The following EXOC2 variants were observed in gnomAD, a reference collection of about 807,000 sequenced individuals.
EXOC2 encodes SEC5-like 1.
In EXOC2, 70 loss-of-function variants were observed where a neutral mutation model predicts 131.8. That is an observed-to-expected ratio of 0.53 (90% CI 0.44 to 0.65). The LOEUF is 0.65. Among genes scored for constraint, EXOC2 ranks in the 30% least tolerant of loss-of-function variants. The probability of loss-of-function intolerance (pLI) is 0.00; values close to 1 mark genes in which losing one functional copy is unlikely to be tolerated. For missense variants in EXOC2, 923 were observed against 1,108.6 expected (o/e 0.83, Z 2.38); for synonymous variants, 411 against 398.4 (o/e 1.03, Z -0.38).
At chr6:648,601 C>T (rs1180903901) in intron 1 of EXOC2, among the ~76,000 whole-genome samples, 2 of 151,676 alleles carry the variant, frequency 1.3e-5, no homozygotes, top group Non-Finnish European at 2.9e-5. Flanking sequence ...ATTTGTTTAA[C>T]TAAAGCAATA....
intron 21 of EXOC2, 83 bp downstream of exon 21, chr6:553,771 T>C: frequency 9.0e-7 from 1 of 1,114,904 alleles, no homozygotes; most frequent in Non-Finnish European, 1.4e-6. Context: ...ATAGCAAGGA[T>C]GCAGGAACAC....
At chr6:688,979 C>G (rs1764792534) in intron 1 of EXOC2, among the ~76,000 whole-genome samples, 1 of 152,180 alleles carries the variant, frequency 6.6e-6, no homozygotes, top group Non-Finnish European at 1.5e-5. Flanking sequence ...AAAAATTCAT[C>G]CATGCTTACA....
rs990282117 is a variant in EXOC2, at chr6:599,795, T to C, written c.743-570A>G. On this transcript the variant is annotated intron_variant, in intron 7 of 27. Transcript: ENST00000230449. ...AATGACAAATGTGAAGGCAGCATCATGAATATTTCTTAAATCAGCTAATCT... is the reference window on the plus strand; with the variant it reads ...AATGACAAATGTGAAGGCAGCATCACGAATATTTCTTAAATCAGCTAATCT... Among the ~76,000 whole-genome samples the C allele has an allele frequency of 2.6e-5, 4 of 152,100 alleles. No individual in the cohort carries two copies. In the East Asian group the frequency reaches 7.7e-4, roughly 29 times the overall value.
chr6:668,791 C>T (rs1346514877), intron 1 of EXOC2, among the ~76,000 whole-genome samples: 2 of 152,182 alleles, frequency 1.3e-5, no homozygotes, highest in Non-Finnish European at 2.9e-5. Flanking sequence ...CACACACATC[C>T]ACCAGCATAC....
At chr6:541,582 A>ACTGTT (rs1756542160) in intron 22 of EXOC2, among the ~76,000 whole-genome samples, 1 of 135,100 alleles carries the variant, frequency 7.4e-6, no homozygotes, top group African/African-American at 2.5e-5. Context: ...AAGGAATAAA[A>ACTGTT]ATACAAACAA....
intron 1 of EXOC2, among the ~76,000 whole-genome samples, chr6:653,938 C>T (rs954081391): frequency 8.5e-5 from 13 of 152,078 alleles, no homozygotes; most frequent in African/African-American, 2.7e-4. Context: ...ATCCTAGGGC[C>T]CTTAAGAATT....
chr6:685,869 C>CTTTTTTT (rs58892194), intron 1 of EXOC2, among the ~76,000 whole-genome samples: 14 of 98,238 alleles, frequency 1.4e-4, no homozygotes, highest in African/African-American at 3.2e-4. Flanking sequence ...TCCTGGACCT[C>CTTTTTTT]TTTTTTTTTT....
At position 562,850 on chromosome 6, in the gene EXOC2, A is replaced by G; in HGVS notation, c.1790-5T>C. ...TTTCAGCTAATCTCTTTATTTCTAT[A>G]TGAGAAGAAGCACACAAATACTTTA... On this transcript the variant is annotated splice_region_variant and splice_polypyrimidine_tract_variant and intron_variant, in intron 16 of 27. Transcript: ENST00000230449. The G allele has an allele frequency of 6.3e-7, 1 of 1,581,684 alleles. No homozygotes were observed. Among genetic ancestry groups the G allele is most frequent in the Non-Finnish European group, 8.6e-7 (1 of 1,165,010 alleles).
chr6:609,120 C>G (rs1259930368), intron 7 of EXOC2, among the ~76,000 whole-genome samples: 1 of 152,200 alleles, frequency 6.6e-6, no homozygotes, highest in Non-Finnish European at 1.5e-5. Context: ...CAAGAGAACA[C>G]TTCTTTCTAG....
In EXOC2 at chr6:500,777, A is replaced by G. The variant is rs145183539; in HGVS notation, c.2381-1077T>C. Reference sequence around the variant, plus strand: ...AAAATGCTGCACTGTAAAAGCATGGATGTTCCCAGTAACAACATTAAGGAA... The same window carrying G: ...AAAATGCTGCACTGTAAAAGCATGGGTGTTCCCAGTAACAACATTAAGGAA... On this transcript the variant is annotated intron_variant, in intron 23 of 27. Coordinates refer to ENST00000230449, the MANE Select transcript of EXOC2 (RefSeq NM_018303.6). Among the ~76,000 whole-genome samples the G allele has an allele frequency of 3.3e-5, 5 of 152,246 alleles. No individual in the cohort carries two copies. In the East Asian group the frequency reaches 9.6e-4, roughly 29 times the overall value.
intron 13 of EXOC2, among the ~76,000 whole-genome samples, chr6:570,380 G>A (rs1050051977): frequency 2.6e-5 from 4 of 152,268 alleles, no homozygotes; most frequent in South Asian, 2.1e-4. Context: ...TGATCCACCC[G>A]CCTCGGCCTC....
At chr6:531,219 G>A (rs1390689742) in intron 23 of EXOC2, among the ~76,000 whole-genome samples, 3 of 152,260 alleles carry the variant, frequency 2.0e-5, no homozygotes, top group Admixed American at 6.5e-5. Flanking sequence ...GTGAGGTGGA[G>A]CATTGGGGCA....
At chr6:639,106 G>A (rs1355340701) in intron 1 of EXOC2, among the ~76,000 whole-genome samples, 3 of 152,232 alleles carry the variant, frequency 2.0e-5, no homozygotes, top group African/African-American at 7.2e-5. Flanking sequence ...ATCCTTCACA[G>A]TCTGGAGAAG....
At chr6:678,669 G>A (rs887547303) in intron 1 of EXOC2, among the ~76,000 whole-genome samples, 11 of 152,190 alleles carry the variant, frequency 7.2e-5, no homozygotes, top group African/African-American at 2.2e-4. Flanking sequence ...GTACACAATC[G>A]TGATTACCTC....
intron 23 of EXOC2, among the ~76,000 whole-genome samples, chr6:511,477 G>A (rs1764840603): frequency 6.6e-6 from 1 of 152,158 alleles, no homozygotes; most frequent in African/African-American, 2.4e-5. Flanking sequence ...AGGTAGAAAT[G>A]CATACATTTA....
chr6:587,126 AAAGAAAATTTGTGTGT>A (rs1478233707), intron 11 of EXOC2, among the ~76,000 whole-genome samples: 1 of 152,232 alleles, frequency 6.6e-6, no homozygotes, highest in Non-Finnish European at 1.5e-5. Flanking sequence ...AGATCACACA[AAAGAAAATTTGTGTGT>A]ATTCCCAGCA....
At chr6:581,295 C>CAA (rs1170685484) in intron 11 of EXOC2, among the ~76,000 whole-genome samples, 1 of 71,978 alleles carries the variant, frequency 1.4e-5, no homozygotes, top group Non-Finnish European at 2.9e-5. Context: ...GACTCTGTCT[C>CAA]AAAAAAAAAA....
chr6:634,071 C>CTT (rs11386557), intron 2 of EXOC2, among the ~76,000 whole-genome samples: 3 of 150,056 alleles, frequency 2.0e-5, no homozygotes, highest in Admixed American at 6.6e-5. Flanking sequence ...TTGACGTTTT[C>CTT]TTTTTTTTTT....
chr6:639,613 T>C (rs1762262893), intron 1 of EXOC2, among the ~76,000 whole-genome samples: 1 of 152,216 alleles, frequency 6.6e-6, no homozygotes, highest in Admixed American at 6.5e-5. Flanking sequence ...CCAAAGATCC[T>C]GACACCTGAG....
Sources: allele counts gnomAD v4.1 joint callset (sites outside exome capture counted in the v4.1 genomes callset), GRCh38; gene constraint gnomAD v4.1.1; transcripts MANE v1.5; gene names NCBI Gene and HGNC (gene_info 2026-07-23, HGNC 2026-07-21).